The following ABLIM1 variants were observed in gnomAD, a reference collection of about 807,000 sequenced individuals.
The protein encoded by ABLIM1 is actin-binding LIM protein 1.
A neutral mutation model predicts 107.0 loss-of-function variants in ABLIM1; 40 were observed. The observed-to-expected ratio is 0.37, with a 90% confidence interval of 0.29 to 0.49. The LOEUF (loss-of-function observed/expected upper bound fraction) is 0.49. Ranked by LOEUF, ABLIM1 falls within the 20% of genes least tolerant of loss-of-function variation. The pLI is 0.97. For synonymous variants in ABLIM1, 357 were observed against 357.3 expected (o/e 1.00, Z 0.01); for missense variants, 857 against 1,008.5 (o/e 0.85, Z 2.04).
At chr10:114,744,607 C>A (rs1187403902) in intron 1 of ABLIM1, among the ~76,000 whole-genome samples, 1 of 152,106 alleles carries the variant, frequency 6.6e-6, no homozygotes, top group Non-Finnish European at 1.5e-5. Flanking sequence ...GTTCATGCCA[C>A]TGCACTCCAG....
At chr10:114,738,915 T>C (rs887877973) in intron 1 of ABLIM1, among the ~76,000 whole-genome samples, 9 of 152,272 alleles carry the variant, frequency 5.9e-5, no homozygotes, top group East Asian at 3.9e-4. Context: ...CTTCAAATGA[T>C]AGCACAATTA....
chr10:114,794,408 A>AT, the ABLIM1 span, among the ~76,000 whole-genome samples: 1 of 152,232 alleles, frequency 6.6e-6, no homozygotes, highest in Non-Finnish European at 1.5e-5. Flanking sequence ...CTGGCACATA[A>AT]TAAGTACTCA....
intron 12 of ABLIM1, among the ~76,000 whole-genome samples, chr10:114,456,821 T>G (rs1014316027): frequency 6.6e-6 from 1 of 152,114 alleles, no homozygotes; most frequent in Non-Finnish European, 1.5e-5. Context: ...ATGGAGTAGC[T>G]GTCTGAATTC....
At chr10:114,479,053 G>A (rs777696312) in intron 8 of ABLIM1, among the ~76,000 whole-genome samples, 1 of 152,168 alleles carries the variant, frequency 6.6e-6, no homozygotes, top group Non-Finnish European at 1.5e-5. Flanking sequence ...CTAGTTGTTT[G>A]ATGTTACATG....
the ABLIM1 span, among the ~76,000 whole-genome samples, chr10:114,781,664 G>GTA: frequency 0.065 from 9,287 of 143,090 alleles, 339 homozygotes; most frequent in East Asian, 0.11. Flanking sequence ...ATATATGCGT[G>GTA]TATATATATA....
chr10:114,545,207 T>TC, intron 5 of ABLIM1, 109 bp from the exon 6 acceptor site: 1 of 978,464 alleles, frequency 1.0e-6, no homozygotes, highest in Non-Finnish European at 1.6e-6. Context: ...GACATATTTC[T>TC]CCCCTGCCCA....
chr10:114,593,292 A>C (rs2075097021), intron 2 of ABLIM1, among the ~76,000 whole-genome samples: 1 of 152,184 alleles, frequency 6.6e-6, no homozygotes, highest in Admixed American at 6.5e-5. Flanking sequence ...AAGAACTGTA[A>C]AAGAATCTGA....
chr10:114,436,538 G>A (rs1349881957), intron 22 of ABLIM1, among the ~76,000 whole-genome samples, 165 bp from the exon 23 acceptor site: 1 of 152,134 alleles, frequency 6.6e-6, no homozygotes, highest in African/African-American at 2.4e-5. Flanking sequence ...CCCTTACCTG[G>A]TTGGGCCAGG....
At chr10:114,474,633 A>G (rs11196755) in intron 8 of ABLIM1, among the ~76,000 whole-genome samples, 76,333 of 151,324 alleles carry the variant, frequency 0.5, 19,448 homozygotes, top group East Asian at 0.6. Flanking sequence ...GCCCGCCTCC[A>G]CCTCCCCAAG....
intron 1 of ABLIM1, among the ~76,000 whole-genome samples, chr10:114,655,420 TCTC>T (rs768418493): frequency 5.9e-5 from 9 of 152,180 alleles, no homozygotes; most frequent in Non-Finnish European, 1.2e-4. Context: ...CTTCCTGCCT[TCTC>T]CTCCCAACAG....
intron 6 of ABLIM1, among the ~76,000 whole-genome samples, chr10:114,497,041 A>T (rs2059757042): frequency 6.6e-6 from 1 of 152,264 alleles, no homozygotes; most frequent in African/African-American, 2.4e-5. Context: ...GATGTTGCTG[A>T]ATCAAAATCA....
intron 1 of ABLIM1, chr10:114,615,592 C>G: frequency 2.1e-6 from 1 of 468,556 alleles, no homozygotes; most frequent in Non-Finnish European, 4.3e-6. Flanking sequence ...ATTGTATGCA[C>G]AAAGCCAGCA....
At chr10:114,607,855 C>T (rs763842974) in intron 1 of ABLIM1, among the ~76,000 whole-genome samples, 1 of 152,130 alleles carries the variant, frequency 6.6e-6, no homozygotes, top group East Asian at 1.9e-4. Flanking sequence ...TGGATGGGAT[C>T]CCAGAACAGA....
chr10:114,738,485 C>T (rs569499825), intron 1 of ABLIM1, among the ~76,000 whole-genome samples: 1 of 152,244 alleles, frequency 6.6e-6, no homozygotes, highest in South Asian at 2.1e-4. Flanking sequence ...TACAAATGTG[C>T]ACAAGATCTA....
At chr10:114,598,721 G>T (rs1272006149) in intron 2 of ABLIM1, among the ~76,000 whole-genome samples, 1 of 152,084 alleles carries the variant, frequency 6.6e-6, no homozygotes, top group Non-Finnish European at 1.5e-5. Flanking sequence ...TTGTTGAAAT[G>T]ATAATATTTT....
intron 12 of ABLIM1, among the ~76,000 whole-genome samples, chr10:114,464,121 A>G (rs2064577751): frequency 1.3e-5 from 2 of 151,478 alleles, no homozygotes; most frequent in African/African-American, 4.9e-5. Flanking sequence ...CGCTCCGGCA[A>G]CTCCATGGCT....
chr10:114,666,425 A>C (rs1177640555), intron 1 of ABLIM1, among the ~76,000 whole-genome samples: 1 of 152,188 alleles, frequency 6.6e-6, no homozygotes, highest in Non-Finnish European at 1.5e-5. Flanking sequence ...GGATTACTCT[A>C]CCAAAATAAA....
At chr10:114,788,139 G>A in the ABLIM1 span, among the ~76,000 whole-genome samples, 3 of 151,630 alleles carry the variant, frequency 2.0e-5, no homozygotes, top group Admixed American at 1.3e-4. Flanking sequence ...CAGCATGCTC[G>A]TTAAGAGTCA....
chr10:114,684,711 A>C (rs920910524), exon 1 of ABLIM1: 4 of 1,049,528 alleles, frequency 3.8e-6, no homozygotes, highest in African/African-American at 1.7e-5. Flanking sequence ...ACACGCCAAG[A>C]ATGTTCCTAG....
Sources: gnomAD v4.1 joint callset for allele counts (sites outside exome capture counted in the v4.1 genomes callset) on GRCh38, gnomAD v4.1.1 for gene constraint, MANE v1.5 for transcripts, NCBI Gene and HGNC (gene_info 2026-07-23, HGNC 2026-07-21) for gene names.